The following ADCY5 variants were observed in gnomAD, a reference collection of about 807,000 sequenced individuals.
ADCY5 encodes adenylate cyclase type 5.
In ADCY5, 30 loss-of-function variants were observed where a neutral mutation model predicts 119.7. That is an observed-to-expected ratio of 0.25 (90% CI 0.19 to 0.34). ADCY5 has a LOEUF of 0.34. ADCY5 is among the 10% of genes least tolerant of loss of function. The probability of loss-of-function intolerance (pLI) is 1.00; values close to 1 mark genes in which losing one functional copy is unlikely to be tolerated. For missense variants in ADCY5, 1,324 were observed against 1,775.2 expected (o/e 0.75, Z 4.57); for synonymous variants, 753 against 762.2 (o/e 0.99, Z 0.20).
At chr3:123,345,926 A>T (rs2108472283) in intron 3 of ADCY5, among the ~76,000 whole-genome samples, 1 of 152,352 alleles carries the variant, frequency 6.6e-6, no homozygotes, top group Non-Finnish European at 1.5e-5. Context: ...TCTGGTAGTC[A>T]GGCTGGGTAA....
chr3:123,338,753 C>A (rs932385386), intron 3 of ADCY5, among the ~76,000 whole-genome samples: 27 of 152,368 alleles, frequency 1.8e-4, no homozygotes, highest in African/African-American at 6.0e-4. Context: ...CCAGTTACCA[C>A]AACAGGCCCT....
intron 3 of ADCY5, among the ~76,000 whole-genome samples, chr3:123,344,123 C>G (rs4677884): frequency 0.46 from 69,948 of 152,088 alleles, 17,279 homozygotes; most frequent in East Asian, 0.7. Flanking sequence ...CCGCCCTATC[C>G]AAGACAAACT....
Position 123,347,922 on chromosome 3 carries a change from G to A in ADCY5, c.1285-19C>T. ...GCCGTTCCTGCAGAGGGAAGCACAT[G>A]CTTTCATCACCACGCCTTCTACCTG... On this transcript the variant is annotated intron_variant, in intron 2 of 20. Coordinates refer to ENST00000462833, the MANE Select transcript of ADCY5 (RefSeq NM_183357.3). 1 of 1,613,962 alleles carries A rather than the reference G, an allele frequency of 6.2e-7. No individual in the cohort carries two copies. Among genetic ancestry groups the A allele is most frequent in the Middle Eastern group, 1.7e-4 (1 of 6,056 alleles).
intron 1 of ADCY5, among the ~76,000 whole-genome samples, chr3:123,401,741 T>C (rs1944758894): frequency 6.6e-6 from 1 of 152,162 alleles, no homozygotes; most frequent in African/African-American, 2.4e-5. Flanking sequence ...CCAGTCCCTT[T>C]TGGCTGTTCT....
chr3:123,409,092 G>A (rs1944981145), intron 1 of ADCY5, among the ~76,000 whole-genome samples: 1 of 152,218 alleles, frequency 6.6e-6, no homozygotes, highest in Non-Finnish European at 1.5e-5. Context: ...TTAAGCTTAT[G>A]AAATATTTTC....
chr3:123,379,810 C>T (rs1943968377), intron 1 of ADCY5, among the ~76,000 whole-genome samples: 1 of 152,186 alleles, frequency 6.6e-6, no homozygotes, highest in African/African-American at 2.4e-5. Context: ...GCACAGACTC[C>T]AGCCTAAAAA....
intron 8 of ADCY5, among the ~76,000 whole-genome samples, chr3:123,323,280 A>G (rs961467482): frequency 2.6e-5 from 4 of 152,052 alleles, no homozygotes; most frequent in African/African-American, 4.8e-5. Context: ...TCCCTTCCCC[A>G]TGACAGTCCT....
chr3:123,291,752 C>G lies in ADCY5; in HGVS notation c.3064-376G>C, dbSNP rs115959451. 2.7e-3 allele frequency among the ~76,000 whole-genome samples: 414 copies of G among 152,294 alleles called. 4 individuals carry two copies. The highest frequency in any genetic ancestry group is 9.2e-3 in the African/African-American group (383 of 41,564). The stretch of plus-strand genomic sequence containing the variant: ...AAGGGAAAAGGATCCAAAACACAGC[C>G]CACACAGCCCTCCAGCTCCCCGGTG... On this transcript the variant is annotated intron_variant, in intron 17 of 20. Transcript: ENST00000462833.
intron 2 of ADCY5, 65 bp from the exon 3 acceptor site, chr3:123,347,968 C>A: frequency 6.2e-7 from 1 of 1,607,426 alleles, no homozygotes; most frequent in Non-Finnish European, 8.5e-7. Flanking sequence ...GCTCGCTCCT[C>A]CACACCTGTG....
chr3:123,316,353 G>A (rs1324420162), intron 11 of ADCY5, among the ~76,000 whole-genome samples: 2 of 152,182 alleles, frequency 1.3e-5, no homozygotes, highest in Admixed American at 6.5e-5. Flanking sequence ...AACTACATGC[G>A]ACATGGGATC....
chr3:123,356,723 C>A (rs910445967), intron 1 of ADCY5, among the ~76,000 whole-genome samples: 9 of 152,130 alleles, frequency 5.9e-5, no homozygotes, highest in African/African-American at 1.7e-4. Flanking sequence ...GAATGCAGAA[C>A]AACTGAACTC....
Position 123,286,094 on chromosome 3 carries a change from C to A in ADCY5, c.3657+591G>T, listed in dbSNP as rs1415451542. Among the ~76,000 whole-genome samples the A allele has an allele frequency of 6.6e-6, 1 of 152,190 alleles. No homozygotes were observed. The highest frequency in any genetic ancestry group is 1.5e-5 in the Non-Finnish European group (1 of 68,034). On this transcript the variant is annotated intron_variant, in intron 20 of 20. Transcript: ENST00000462833. This position sits in a 1 kb window ranked among gnomAD's most constrained non-coding sequence, Gnocchi z 4.2. ...CTACTGCCCAGGGCGGTGCCTCTGC[C>A]ATCAGACTGCAGCAGAGAATCAAGG...
chr3:123,405,448 C>A (rs550368954), intron 1 of ADCY5, among the ~76,000 whole-genome samples: 17 of 152,112 alleles, frequency 1.1e-4, no homozygotes, highest in Non-Finnish European at 2.5e-4. Flanking sequence ...GGACTGAACA[C>A]CAACTTGGTT....
chr3:123,297,017 C>T (rs1423998955), intron 16 of ADCY5: 1 of 1,536,012 alleles, frequency 6.5e-7, no homozygotes. Flanking sequence ...TAGGTACCAG[C>T]TTCCATTCTC....
chr3:123,290,055 TC>T, intron 18 of ADCY5, 101 bp from the exon 19 acceptor site: 3 of 1,174,164 alleles, frequency 2.6e-6, no homozygotes, highest in Non-Finnish European at 3.7e-6. Flanking sequence ...GCATGGCCCT[TC>T]ATGTGTCCGC....
intron 1 of ADCY5, among the ~76,000 whole-genome samples, chr3:123,439,251 ACGGGGTTTCAC>A (rs1212582547): frequency 6.6e-6 from 1 of 150,870 alleles, no homozygotes; most frequent in Non-Finnish European, 1.5e-5. Context: ...TTTAGTAGAG[ACGGGGTTTCAC>A]CGTGTTAGCC....
At chr3:123,361,284 C>T (rs1257137384) in intron 1 of ADCY5, among the ~76,000 whole-genome samples, 5 of 152,122 alleles carry the variant, frequency 3.3e-5, no homozygotes, top group African/African-American at 7.2e-5. Flanking sequence ...CTCACAAAGC[C>T]AAGTCTTACT....
At chr3:123,321,680 A>C (rs1353182570) in intron 8 of ADCY5, among the ~76,000 whole-genome samples, 2 of 152,256 alleles carry the variant, frequency 1.3e-5, no homozygotes, top group African/African-American at 2.4e-5. Flanking sequence ...AGAGTTCGGC[A>C]AACACTGGGT....
intron 1 of ADCY5, among the ~76,000 whole-genome samples, chr3:123,367,189 C>T (rs1366793492): frequency 6.6e-6 from 1 of 152,206 alleles, no homozygotes; most frequent in Non-Finnish European, 1.5e-5. Flanking sequence ...CACCGGCCCC[C>T]ACCTCATCCC....
Sources: allele counts gnomAD v4.1 joint callset (sites outside exome capture counted in the v4.1 genomes callset), GRCh38; gene constraint gnomAD v4.1.1; non-coding constraint Gnocchi (gnomAD v3.1); transcripts MANE v1.5; gene names NCBI Gene and HGNC (gene_info 2026-07-23, HGNC 2026-07-21).